The following MANBA variants were observed in gnomAD, a reference collection of about 807,000 sequenced individuals.
The protein encoded by MANBA is beta-mannosidase.
A neutral mutation model predicts 111.1 loss-of-function variants in MANBA; 83 were observed. That is an observed-to-expected ratio of 0.75 (90% CI 0.63 to 0.90). The LOEUF (loss-of-function observed/expected upper bound fraction) is 0.90. Ranked by LOEUF, MANBA falls within the 40% of genes least tolerant of loss-of-function variation. The pLI is 0.00. For missense variants in MANBA, 1,036 were observed against 1,069.0 expected, an observed-to-expected ratio of 0.97 and a Z score of 0.43; for synonymous variants, 370 against 378.7, an observed-to-expected ratio of 0.98 and a Z score of 0.27.
At chr4:102,657,988 C>A in intron 11 of MANBA, 88 bp from the exon 12 acceptor site, 3 of 975,142 alleles carry the variant, frequency 3.1e-6, no homozygotes, top group Non-Finnish European at 3.2e-6. Flanking sequence ...ACTAACAAGT[C>A]CCTGAAATGC....
At chr4:102,635,179 C>A in intron 15 of MANBA, 134 bp from the exon 16 acceptor site, 1 of 922,208 alleles carries the variant, frequency 1.1e-6, no homozygotes, top group South Asian at 1.5e-5. Flanking sequence ...GTTTTAATCC[C>A]AGTCCTGCAA....
At position 102,681,194 on chromosome 4, in the gene MANBA, T is replaced by C. The variant is rs1420028059; in HGVS notation, c.961-7124A>G. 3.9e-5 allele frequency among the ~76,000 whole-genome samples: 6 copies of C among 152,086 alleles called. No individual in the cohort carries two copies. In the East Asian group the frequency reaches 1.2e-3, roughly 29 times the overall value. On this transcript the variant is annotated intron_variant, in intron 7 of 16. Transcript: ENST00000647097. ...ACTCCCCATCTCTAGAAAAATAAAATAGGCAAGGCATGGTAGCATGTGCCT... is the reference window on the plus strand; with the variant it reads ...ACTCCCCATCTCTAGAAAAATAAAACAGGCAAGGCATGGTAGCATGTGCCT...
rs562214994 is a variant in MANBA, at chr4:102,730,699, G to C, written c.178-4016C>G. 5.8e-5 allele frequency: 31 copies of C among 534,152 alleles called. 1 individual carries two copies. The highest frequency in any genetic ancestry group is 4.3e-4 in the South Asian group (31 of 72,324). The allele number at this position is 534,152 out of a possible 1,614,324, so 33.1% of individuals were successfully genotyped here. A position where few individuals can be genotyped will look rare whatever the true frequency, so the allele number is the denominator to read the frequency against. On this transcript the variant is annotated intron_variant, in intron 1 of 16. Coordinates refer to ENST00000647097, the MANE Select transcript of MANBA (RefSeq NM_005908.4). Reference sequence around the variant, plus strand: ...CCGGGCTTGTAATACCTTCATGAACGCTCCTTCTGGATTCCCTACAGATAG... The same window carrying C: ...CCGGGCTTGTAATACCTTCATGAACCCTCCTTCTGGATTCCCTACAGATAG...
chr4:102,691,655 G>T (rs1482567809), intron 5 of MANBA, among the ~76,000 whole-genome samples: 1 of 151,984 alleles, frequency 6.6e-6, no homozygotes. Flanking sequence ...ATAGGCATGT[G>T]CCACTCACCT....
At chr4:102,637,486 G>A (rs1451568050) in intron 14 of MANBA, among the ~76,000 whole-genome samples, 1 of 152,136 alleles carries the variant, frequency 6.6e-6, no homozygotes, top group Admixed American at 6.5e-5. Flanking sequence ...TCCCCACTCA[G>A]TCTAATGGTA....
rs1721925408 is a variant in MANBA, at chr4:102,709,329, AGAAAG to A, written c.673+5104_673+5108del. 9.1e-5 allele frequency among the ~76,000 whole-genome samples: 12 copies of A among 131,700 alleles called. No homozygotes were observed. In the South Asian group the frequency reaches 2.5e-3, roughly 27 times the overall value. 86.4% of individuals were successfully genotyped at this position (131,700 alleles called of 152,430 possible). A position where few individuals can be genotyped will look rare whatever the true frequency, so the allele number is the denominator to read the frequency against. On this transcript the variant is annotated intron_variant, in intron 5 of 16. Transcript: ENST00000647097. ...AAGGAAGGAAGAAAAGAAAAGAAAAAGAAAGGAAGGAAGGAAGGAAGGAAGAAAAG... is the reference window on the plus strand; with the variant it reads ...AAGGAAGGAAGAAAAGAAAAGAAAAAGAAGGAAGGAAGGAAGGAAGAAAAG...
chr4:102,683,543 C>T (rs370203905), intron 7 of MANBA, among the ~76,000 whole-genome samples: 36 of 152,268 alleles, frequency 2.4e-4, no homozygotes, highest in African/African-American at 8.4e-4. Flanking sequence ...CATTAAAACA[C>T]GTTACCTAGT....
Position 102,656,956 on chromosome 4 carries a change from G to A in MANBA, c.1704+726C>T, listed in dbSNP as rs139045831. Among the ~76,000 whole-genome samples, 4 of 152,218 alleles carry A rather than the reference G, an allele frequency of 2.6e-5. No individual in the cohort carries two copies. The East Asian group carries it at 5.8e-4, about 22-fold the overall frequency. ...AAAAATAGGGAGTGGTTGCTAATGG[G>A]TTCAGGGTTTCTTTTGAGTGATAAA... On this transcript the variant is annotated intron_variant, in intron 12 of 16. Coordinates refer to ENST00000647097, the MANE Select transcript of MANBA (RefSeq NM_005908.4).
chr4:102,697,508 T>G (rs1331703491), intron 5 of MANBA, among the ~76,000 whole-genome samples: 3 of 74,190 alleles, frequency 4.0e-5, no homozygotes, highest in Non-Finnish European at 7.6e-5. Flanking sequence ...CCCTCCCCCC[T>G]CCCCCCACCC....
At chr4:102,682,404 T>C (rs536713490) in intron 7 of MANBA, among the ~76,000 whole-genome samples, 7 of 152,130 alleles carry the variant, frequency 4.6e-5, no homozygotes, top group East Asian at 3.9e-4. Flanking sequence ...GGCCAATCTA[T>C]AGTCTACACA....
chr4:102,651,308 A>AT (rs1730324105), intron 12 of MANBA, among the ~76,000 whole-genome samples: 1 of 152,094 alleles, frequency 6.6e-6, no homozygotes, highest in Admixed American at 6.6e-5. Flanking sequence ...TAAAAAATCA[A>AT]TTTTTTATGG....
chr4:102,695,185 T>C (rs1732652357), intron 5 of MANBA, among the ~76,000 whole-genome samples: 1 of 152,082 alleles, frequency 6.6e-6, no homozygotes, highest in African/African-American at 2.4e-5. Flanking sequence ...GCCTTCAAAA[T>C]CTTCTCAAAT....
At chr4:102,752,319 A>T in intron 1 of MANBA, 1 of 1,367,472 alleles carries the variant, frequency 7.3e-7, no homozygotes, top group Non-Finnish European at 1.0e-6. Flanking sequence ...AACGTTTAGC[A>T]TCTGGAAGCA....
At chr4:102,707,200 T>A (rs957579285) in intron 5 of MANBA, among the ~76,000 whole-genome samples, 1 of 152,088 alleles carries the variant, frequency 6.6e-6, no homozygotes, top group South Asian at 2.1e-4. Flanking sequence ...TAGTTACTTA[T>A]AAGGAAACCC....
chr4:102,663,131 A>G (rs185648395), intron 11 of MANBA: 4 of 152,248 alleles, frequency 2.6e-5, no homozygotes, highest in Admixed American at 2.6e-4. Flanking sequence ...TCTTTTCATT[A>G]AGCAGAAATG....
intron 10 of MANBA, chr4:102,667,367 T>C (rs1731274001): frequency 6.6e-6 from 1 of 152,124 alleles, no homozygotes; most frequent in South Asian, 2.1e-4. Context: ...CAAATACTAG[T>C]AACATTGATA....
chr4:102,733,170 G>A (rs974051359), intron 1 of MANBA, among the ~76,000 whole-genome samples: 8 of 152,106 alleles, frequency 5.3e-5, no homozygotes, highest in African/African-American at 1.7e-4. Flanking sequence ...ACAGGAGGCC[G>A]TTGTTGACTG....
At chr4:102,731,711 C>T (rs943561003) in intron 1 of MANBA, among the ~76,000 whole-genome samples, 1 of 152,082 alleles carries the variant, frequency 6.6e-6, no homozygotes, top group African/African-American at 2.4e-5. Context: ...GTTGAGTAGA[C>T]ATGATGGAGA....
intron 12 of MANBA, among the ~76,000 whole-genome samples, chr4:102,656,231 G>GCAACAAA (rs1289630266): frequency 6.6e-6 from 1 of 152,024 alleles, no homozygotes; most frequent in African/African-American, 2.4e-5. Flanking sequence ...ACCAGCCTGG[G>GCAACAAA]CAACAAAGCA....
Sources: allele counts gnomAD v4.1 joint callset (sites outside exome capture counted in the v4.1 genomes callset), GRCh38; gene constraint gnomAD v4.1.1; transcripts MANE v1.5; gene names NCBI Gene and HGNC (gene_info 2026-07-23, HGNC 2026-07-21).